ADGRD1: variants seen among roughly 807,000 people sequenced by gnomAD.
ADGRD1 encodes adhesion G protein-coupled receptor D1.
A neutral mutation model predicts 113.4 loss-of-function variants in ADGRD1; 77 were observed. The observed-to-expected ratio is 0.68, with a 90% confidence interval of 0.57 to 0.82. The LOEUF is 0.82. ADGRD1 is among the 40% of genes least tolerant of loss of function. The probability of loss-of-function intolerance (pLI) is 0.00; values close to 1 mark genes in which losing one functional copy is unlikely to be tolerated. For missense variants in ADGRD1, 1,036 were observed against 1,139.1 expected (o/e 0.91, Z 1.30); for synonymous variants, 474 against 475.0 (o/e 1.00, Z 0.03).
rs191730899 is a variant in ADGRD1 at position 131,132,481 on chromosome 12, G to A, written c.2267+665G>A. Among the ~76,000 whole-genome samples, 21 of 152,298 alleles carry A rather than the reference G, an allele frequency of 1.4e-4. 1 individual carries two copies. The Middle Eastern group carries it at 0.02, about 148-fold the overall frequency. ...ACTGACGCAGCTGACTGTGAAGTCC[G>A]GAGCTCAGAAGCCCTGGCGTTGCAG... On this transcript the variant is annotated intron_variant, in intron 21 of 24. Transcript: ENST00000261654.
intron 3 of ADGRD1, chr12:130,967,393 T>A (rs529363168): frequency 2.0e-3 from 345 of 173,630 alleles, no homozygotes; most frequent in Non-Finnish European, 3.3e-3. Flanking sequence ...AAGGACTTTT[T>A]AAAAACCGTA....
chr12:131,094,930 C>T (rs1566104625), intron 15 of ADGRD1, among the ~76,000 whole-genome samples: 1 of 152,150 alleles, frequency 6.6e-6, no homozygotes, highest in African/African-American at 2.4e-5. Context: ...CAGGGGCATG[C>T]GTCCTTCCAC....
intron 14 of ADGRD1, among the ~76,000 whole-genome samples, chr12:131,079,552 T>A (rs754826698): frequency 6.6e-6 from 1 of 152,222 alleles, no homozygotes; most frequent in African/African-American, 2.4e-5. Flanking sequence ...CTGTATAGAA[T>A]TGATATTATT....
intron 18 of ADGRD1, among the ~76,000 whole-genome samples, chr12:131,111,244 C>T (rs1283930973): frequency 6.6e-6 from 1 of 152,128 alleles, no homozygotes; most frequent in Non-Finnish European, 1.5e-5. Flanking sequence ...AGGTACAGGC[C>T]ACCATGCCTG....
intron 13 of ADGRD1, among the ~76,000 whole-genome samples, chr12:131,033,445 C>A (rs1425426690): frequency 6.6e-6 from 1 of 152,248 alleles, no homozygotes; most frequent in Non-Finnish European, 1.5e-5. Flanking sequence ...TGCGGCCTTC[C>A]TTCCCGCTCA....
At chr12:131,014,880 T>C (rs1254800580) in intron 13 of ADGRD1, among the ~76,000 whole-genome samples, 2 of 152,232 alleles carry the variant, frequency 1.3e-5, no homozygotes, top group African/African-American at 4.8e-5. Context: ...GGGATACCGA[T>C]GCACTGCCAT....
intron 18 of ADGRD1, among the ~76,000 whole-genome samples, chr12:131,112,891 A>G (rs1013019355): frequency 3.9e-5 from 6 of 152,160 alleles, no homozygotes; most frequent in Admixed American, 6.5e-5. Flanking sequence ...AGCCTGCCAC[A>G]CCCTGCATAC....
intron 20 of ADGRD1, among the ~76,000 whole-genome samples, chr12:131,123,893 A>G (rs1950672790): frequency 6.6e-6 from 1 of 151,512 alleles, no homozygotes; most frequent in Non-Finnish European, 1.5e-5. Flanking sequence ...GTGGCCCACT[A>G]CCTGCTTTTG....
intron 13 of ADGRD1, among the ~76,000 whole-genome samples, chr12:131,045,926 G>GTGGTGCTCCCGCCCTGGT (rs1443896384): frequency 1.3e-5 from 2 of 151,650 alleles, no homozygotes; most frequent in African/African-American, 2.4e-5. Flanking sequence ...ATCCTTCCTG[G>GTGGTGCTCCCGCCCTGGT]TGGTGCTCCC....
intron 14 of ADGRD1, among the ~76,000 whole-genome samples, chr12:131,080,769 C>T (rs528323019): frequency 5.9e-5 from 9 of 152,168 alleles, no homozygotes; most frequent in Non-Finnish European, 8.8e-5. Context: ...TACAGGCGCC[C>T]GCCACCACGC....
intron 5 of ADGRD1, among the ~76,000 whole-genome samples, chr12:130,986,411 A>G (rs929765281): frequency 1.3e-5 from 2 of 152,178 alleles, no homozygotes; most frequent in African/African-American, 2.4e-5. Context: ...TTTGGCACCA[A>G]TGACAATGGT....
chr12:130,990,095 G>C (rs1000516562), intron 6 of ADGRD1: 1 of 152,226 alleles, frequency 6.6e-6, no homozygotes, highest in South Asian at 2.1e-4. Flanking sequence ...GGACACACAC[G>C]AGTTAAATGT....
At position 130,971,205 on chromosome 12, in the gene ADGRD1, A is replaced by G. The variant is rs12303193; in HGVS notation, c.188-253A>G. 334 of 192,046 alleles carry G rather than the reference A, an allele frequency of 1.7e-3. 1 individual carries two copies. Among genetic ancestry groups the G allele is most frequent in the African/African-American group, 7.6e-3 (322 of 42,260 alleles). 11.9% of individuals were successfully genotyped at this position (192,046 alleles called of 1,614,324 possible). A position where few individuals can be genotyped will look rare whatever the true frequency, so the allele number is the denominator to read the frequency against. On this transcript the variant is annotated intron_variant, in intron 3 of 24. Transcript: ENST00000261654. This position sits in a 1 kb window ranked among gnomAD's most constrained non-coding sequence, Gnocchi z 4.2. ...TTTGTATATAATACATGCATATTATATACAAATACATTAATATCATTTAAT... is the reference window on the plus strand; with the variant it reads ...TTTGTATATAATACATGCATATTATGTACAAATACATTAATATCATTTAAT...
chr12:131,023,065 A>G (rs1428794680), intron 13 of ADGRD1: 2 of 152,114 alleles, frequency 1.3e-5, no homozygotes, highest in Non-Finnish European at 2.9e-5. Context: ...TTTTATTTGT[A>G]TAAATGTGCT....
intron 15 of ADGRD1, among the ~76,000 whole-genome samples, chr12:131,095,200 G>A (rs1236927463): frequency 1.3e-5 from 2 of 152,252 alleles, no homozygotes; most frequent in Non-Finnish European, 2.9e-5. Flanking sequence ...TCGAGGTGGA[G>A]CAGCAGCCAG....
intron 13 of ADGRD1, among the ~76,000 whole-genome samples, chr12:131,039,178 C>T (rs528433026): frequency 8.8e-6 from 1 of 113,652 alleles, no homozygotes; most frequent in South Asian, 2.2e-4. Flanking sequence ...GAGTCCTGTG[C>T]TCCTCCAGCC....
Position 131,136,077 on chromosome 12 carries a change from G to T in ADGRD1, c.2308G>T (p.Gly770Cys), listed in dbSNP as rs774306633. The change falls in exon 22 of 25, where the codon GGT becomes TGT. Residue 770 changes from glycine to cysteine, a missense_variant. Physicochemically the swap from Gly to Cys is radical, Grantham distance 159. Transcript: ENST00000261654. Reference protein sequence around the residue: ...KAVAVLLPILGTSWVFGVLAV... With the variant: ...KAVAVLLPILCTSWVFGVLAV... ...AGTGGCCGTGCTGCTGCCCATCCTG[G>T]GTACCTCGTGGGTCTTTGGCGTGCT... 2.0e-5 allele frequency: 33 copies of T among 1,614,150 alleles called. No individual in the cohort carries two copies. Among genetic ancestry groups the T allele is most frequent in the Non-Finnish European group, 2.8e-5 (33 of 1,179,986 alleles).
At chr12:131,071,436 T>G (rs1195597484) in intron 13 of ADGRD1, among the ~76,000 whole-genome samples, 1 of 151,926 alleles carries the variant, frequency 6.6e-6, no homozygotes, top group Non-Finnish European at 1.5e-5. Flanking sequence ...AGAGGAGCCA[T>G]GTGAGTGGGA....
chr12:130,974,683 G>A (rs1872095752), intron 4 of ADGRD1, among the ~76,000 whole-genome samples: 1 of 152,174 alleles, frequency 6.6e-6, no homozygotes, highest in Admixed American at 6.5e-5. Flanking sequence ...AAATCCTGAT[G>A]TGGTCTCTGT....
Sources: gnomAD v4.1 joint callset for allele counts (sites outside exome capture counted in the v4.1 genomes callset) on GRCh38, gnomAD v4.1.1 for gene constraint, Gnocchi (gnomAD v3.1) non-coding constraint, MANE v1.5 for transcripts, NCBI Gene and HGNC (gene_info 2026-07-23, HGNC 2026-07-21) for gene names.